CMIP: variants seen among roughly 807,000 people sequenced by gnomAD.
The protein encoded by CMIP is c-Maf inducing protein, also known as C-Maf-inducing protein.
A neutral mutation model predicts 97.3 loss-of-function variants in CMIP; 13 were observed. The observed-to-expected ratio is 0.13, with a 90% CI of 0.09 to 0.21. The LOEUF (loss-of-function observed/expected upper bound fraction) is 0.21, where lower values mean the gene tolerates loss of function less well. CMIP is among the 10% of genes least tolerant of loss of function. The pLI, the probability that CMIP is intolerant of heterozygous loss-of-function variation, is 1.00. For synonymous variants in CMIP, 538 were observed against 436.3 expected (o/e 1.23, Z -2.91); for missense variants, 847 against 1,024.9 (o/e 0.83, Z 2.37).
chr16:81,526,777 C>T (rs1412941949), intron 1 of CMIP, among the ~76,000 whole-genome samples: 3 of 152,370 alleles, frequency 2.0e-5, no homozygotes, highest in African/African-American at 7.2e-5. Flanking sequence ...GTGAAGGCCC[C>T]AGCCCGCCAG....
intron 1 of CMIP, among the ~76,000 whole-genome samples, chr16:81,601,432 A>G (rs1347623290): frequency 6.6e-6 from 1 of 151,920 alleles, no homozygotes; most frequent in Non-Finnish European, 1.5e-5. Flanking sequence ...GGGTCAGCTC[A>G]CCCCATTCCC....
intron 1 of CMIP, among the ~76,000 whole-genome samples, chr16:81,461,183 T>C (rs902203585): frequency 2.6e-5 from 4 of 152,186 alleles, no homozygotes; most frequent in Non-Finnish European, 5.9e-5. Flanking sequence ...TTCCACTTCC[T>C]CCCATGTGGC....
Position 81,476,473 on chromosome 16 carries a change from G to A in CMIP, c.300+30932G>A, listed in dbSNP as rs1408366818. On this transcript the variant is annotated intron_variant, in intron 1 of 20. Coordinates refer to ENST00000537098, the MANE Select transcript of CMIP (RefSeq NM_198390.3). ...CAGCTCGAAGGAGATGCGGCCCAAG[G>A]GCTCGCCGTTGACAGCGATGTCAGA... 3.4e-5 allele frequency: 27 copies of A among 787,312 alleles called. No individual in the cohort carries two copies. In the South Asian group the frequency reaches 3.4e-4, roughly 10 times the overall value. 48.8% of individuals were successfully genotyped at this position (787,312 alleles called of 1,614,324 possible). A position where few individuals can be genotyped will look rare whatever the true frequency, so the allele number is the denominator to read the frequency against.
intron 1 of CMIP, among the ~76,000 whole-genome samples, chr16:81,583,075 C>T (rs1057302713): frequency 3.9e-5 from 6 of 152,238 alleles, no homozygotes; most frequent in Admixed American, 2.6e-4. Context: ...TTAAATTTCT[C>T]TAAAGGGCCT....
intron 9 of CMIP, among the ~76,000 whole-genome samples, chr16:81,673,521 T>G (rs201666010): frequency 6.2e-5 from 3 of 48,244 alleles, no homozygotes; most frequent in East Asian, 4.8e-3. Context: ...TTCTCAAAAA[T>G]AAATAAATAA....
chr16:81,535,567 C>T (rs192970962), intron 1 of CMIP, among the ~76,000 whole-genome samples: 34 of 151,166 alleles, frequency 2.2e-4, no homozygotes, highest in African/African-American at 8.0e-4. Context: ...TGAGATCAGA[C>T]ACGTGAATTT....
intron 2 of CMIP, chr16:81,618,782 C>T (rs1490801819): frequency 6.6e-6 from 1 of 152,274 alleles, no homozygotes; most frequent in Non-Finnish European, 1.5e-5. Flanking sequence ...CAGACCTGGC[C>T]GTGGCTGCTG....
At chr16:81,605,226 G>A (rs1275480126) in intron 1 of CMIP, among the ~76,000 whole-genome samples, 1 of 152,224 alleles carries the variant, frequency 6.6e-6, no homozygotes, top group African/African-American at 2.4e-5. Context: ...GCAGGCCCAC[G>A]AGTGTGACTT....
In CMIP at chr16:81,444,855, G is replaced by A. The variant is rs1286845322; in HGVS notation, c.-387G>A. Among the ~76,000 whole-genome samples, 1 of 143,178 alleles carries A rather than the reference G, an allele frequency of 7.0e-6. No individual in the cohort carries two copies. The highest frequency in any genetic ancestry group is 1.5e-5 in the Non-Finnish European group (1 of 64,582). 93.9% of individuals were successfully genotyped at this position (143,178 alleles called of 152,430 possible). A position where few individuals can be genotyped will look rare whatever the true frequency, so the allele number is the denominator to read the frequency against. On this transcript the variant is annotated 5_prime_UTR_variant, in exon 1 of 21. Transcript: ENST00000537098. ...GGACACACGCTCTGTACACACGCGC[G>A]CGGCGGCGCGGGGCCCCGAGACACG...
In CMIP at chr16:81,655,778, C is replaced by G. The variant is rs1328260929; in HGVS notation, c.640-1997C>G. 6.6e-6 allele frequency among the ~76,000 whole-genome samples: 1 copy of G among 152,176 alleles called. No individual in the cohort carries two copies. Among genetic ancestry groups the G allele is most frequent in the Non-Finnish European group, 1.5e-5 (1 of 68,046 alleles). On this transcript the variant is annotated intron_variant, in intron 4 of 20. Transcript: ENST00000537098. This position sits in a 1 kb window ranked among gnomAD's most constrained non-coding sequence, Gnocchi z 4.9. ...ACTTTAGAGTAAGGACAGACGGGTT[C>G]ATATCCTCACTGCAGCCCCTATTAC... is the stretch of plus-strand genomic sequence containing the variant.
intron 7 of CMIP, among the ~76,000 whole-genome samples, chr16:81,667,795 AGAGAGTGTGTGTGTGTGTGTGT>A (rs1423724704): frequency 2.9e-5 from 2 of 68,040 alleles, no homozygotes; most frequent in African/African-American, 1.2e-4. Context: ...AGAGAGAGAG[AGAGAGTGTGTGTGTGTGTGTGT>A]GTGTGTGTGT....
In CMIP at chr16:81,508,099, A is replaced by G. The variant is rs547808097; in HGVS notation, c.300+62558A>G. ...AGCATTCCTCCCCCAACCTTGTTCT[A>G]GAGACAAAGTGAGTGCTACATCCTC... On this transcript the variant is annotated intron_variant, in intron 1 of 20. Coordinates refer to ENST00000537098, the MANE Select transcript of CMIP (RefSeq NM_198390.3). 2.6e-5 allele frequency among the ~76,000 whole-genome samples: 4 copies of G among 152,398 alleles called. No individual in the cohort carries two copies. The South Asian group carries it at 8.3e-4, about 32-fold the overall frequency.
intron 1 of CMIP, among the ~76,000 whole-genome samples, chr16:81,532,403 A>T (rs1006814805): frequency 6.6e-6 from 1 of 152,160 alleles, no homozygotes; most frequent in African/African-American, 2.4e-5. Flanking sequence ...ATTTTGAAAA[A>T]TTTCCTGAAT....
rs969564566 is a variant in CMIP at position 81,503,453 on chromosome 16, T to A, written c.300+57912T>A. Reference sequence around the variant, plus strand: ...TCTGTGCACCCAGGCTGGAGTGCAGTGGCAACAATTATGGCTTACTGCAGC... The same window carrying A: ...TCTGTGCACCCAGGCTGGAGTGCAGAGGCAACAATTATGGCTTACTGCAGC... On this transcript the variant is annotated intron_variant, in intron 1 of 20. Coordinates refer to ENST00000537098, the MANE Select transcript of CMIP (RefSeq NM_198390.3). 1.6e-4 allele frequency among the ~76,000 whole-genome samples: 25 copies of A among 152,160 alleles called. 1 individual carries two copies. Among genetic ancestry groups the A allele is most frequent in the Admixed American group, 1.4e-3 (22 of 15,270 alleles).
At chr16:81,515,272 A>G (rs11861411) in intron 1 of CMIP, among the ~76,000 whole-genome samples, 30,214 of 152,146 alleles carry the variant, frequency 0.2, 3,644 homozygotes, top group Admixed American at 0.31. Flanking sequence ...CCTGTCAGCG[A>G]GGCCTCAAAA....
chr16:81,563,595 T>C (rs764035662), intron 1 of CMIP, among the ~76,000 whole-genome samples: 3 of 152,172 alleles, frequency 2.0e-5, no homozygotes, highest in Non-Finnish European at 4.4e-5. Flanking sequence ...GCTGAGACAC[T>C]GGTGTGGACT....
At chr16:81,573,009 T>G (rs1255882313) in intron 1 of CMIP, among the ~76,000 whole-genome samples, 1 of 152,206 alleles carries the variant, frequency 6.6e-6, no homozygotes, top group Non-Finnish European at 1.5e-5. Flanking sequence ...TGAAATGACC[T>G]CTGGTCCCTA....
chr16:81,606,369 C>G (rs1324520785), intron 1 of CMIP, among the ~76,000 whole-genome samples: 1 of 152,152 alleles, frequency 6.6e-6, no homozygotes, highest in Non-Finnish European at 1.5e-5. Flanking sequence ...GAGGTGTTCG[C>G]TGTTATTCTT....
intron 1 of CMIP, among the ~76,000 whole-genome samples, chr16:81,548,051 G>GCTTA (rs2090582606): frequency 1.3e-5 from 2 of 151,992 alleles, no homozygotes; most frequent in Non-Finnish European, 2.9e-5. Flanking sequence ...TTTATCTAGG[G>GCTTA]CTTACCTTGA....
Sources: allele counts gnomAD v4.1 joint callset (sites outside exome capture counted in the v4.1 genomes callset), GRCh38; gene constraint gnomAD v4.1.1; non-coding constraint Gnocchi (gnomAD v3.1); transcripts MANE v1.5; gene names NCBI Gene and HGNC (gene_info 2026-07-23, HGNC 2026-07-21).